Variants in CFAP210 observed in about 807,000 individuals in gnomAD.
CFAP210 encodes cilia and flagella associated protein 210, also known as cilia- and flagella- associated protein 210.
chr2:169,660,224 T>TA, the CFAP210 span, among the ~76,000 whole-genome samples: 6 of 151,368 alleles, frequency 4.0e-5, no homozygotes, highest in African/African-American at 1.2e-4. Context: ...TTGTCTCTAC[T>TA]AAAAAAAATA....
the CFAP210 span, among the ~76,000 whole-genome samples, chr2:169,680,079 A>G: frequency 2.0e-5 from 3 of 152,206 alleles, no homozygotes; most frequent in East Asian, 5.8e-4. Context: ...GACAAAACTA[A>G]TTTTAAAATG....
the CFAP210 span, among the ~76,000 whole-genome samples, chr2:169,663,927 G>A: frequency 2.6e-5 from 4 of 151,400 alleles, no homozygotes; most frequent in East Asian, 1.9e-4. Context: ...AGTGGCTCAC[G>A]CCTGTAATCC....
chr2:169,664,724 T>G, the CFAP210 span, among the ~76,000 whole-genome samples: 2 of 152,250 alleles, frequency 1.3e-5, no homozygotes, highest in African/African-American at 4.8e-5. Flanking sequence ...CTGCTGATTC[T>G]TGGTCCTTCT....
At chr2:169,667,030 T>G in the CFAP210 span, among the ~76,000 whole-genome samples, 2 of 152,176 alleles carry the variant, frequency 1.3e-5, no homozygotes, top group African/African-American at 4.8e-5. Context: ...CTTTCTCCAC[T>G]GAAGTCTTGA....
At chr2:169,646,282 TC>T in the CFAP210 span, 1 of 820,034 alleles carries the variant, frequency 1.2e-6, no homozygotes, top group Non-Finnish European at 2.0e-6. Context: ...TTTTCTAAAC[TC>T]ATTGATACTT....
the CFAP210 span, chr2:169,675,000 T>A: frequency 6.5e-7 from 1 of 1,539,792 alleles, no homozygotes; most frequent in Non-Finnish European, 8.7e-7. Flanking sequence ...TATTTCTTCA[T>A]CACGCTTCTT....
the CFAP210 span, among the ~76,000 whole-genome samples, chr2:169,683,529 C>T: frequency 1.3e-5 from 2 of 152,208 alleles, 1 homozygote; most frequent in African/African-American, 4.8e-5. Flanking sequence ...TAACAAATTG[C>T]TAGGCATGTT....
At chr2:169,650,527 A>G in the CFAP210 span, 3 of 1,521,228 alleles carry the variant, frequency 2.0e-6, no homozygotes, top group Non-Finnish European at 2.6e-6. Context: ...TAAGCCTATA[A>G]CAAAATAACC....
chr2:169,654,534 T>C, the CFAP210 span, among the ~76,000 whole-genome samples: 1 of 152,110 alleles, frequency 6.6e-6, no homozygotes, highest in African/African-American at 2.4e-5. Flanking sequence ...AATCAATAAG[T>C]AGGTGGGGGA....
chr2:169,683,515 T>C, the CFAP210 span, among the ~76,000 whole-genome samples: 1 of 152,236 alleles, frequency 6.6e-6, no homozygotes, highest in African/African-American at 2.4e-5. Context: ...ATCTGCCTTT[T>C]GATTAACAAA....
chr2:169,656,378 A>G, the CFAP210 span, among the ~76,000 whole-genome samples: 3 of 86,896 alleles, frequency 3.5e-5, no homozygotes, highest in Admixed American at 2.9e-4. Context: ...AGAAAGAGGA[A>G]AGAGGAGGAA....
At chr2:169,645,905 T>C in the CFAP210 span, 31,664 of 1,613,274 alleles carry the variant, frequency 0.02, 610 homozygotes, top group Middle Eastern at 0.11. Context: ...CTGAGAGTTA[T>C]AAAAAGGGAG....
At chr2:169,677,997 A>G in the CFAP210 span, among the ~76,000 whole-genome samples, 1 of 152,178 alleles carries the variant, frequency 6.6e-6, no homozygotes, top group Admixed American at 6.5e-5. Context: ...AAATCCAACG[A>G]AAGATGTATA....
the CFAP210 span, among the ~76,000 whole-genome samples, chr2:169,647,602 G>A: frequency 0.046 from 6,928 of 152,130 alleles, 533 homozygotes; most frequent in African/African-American, 0.16. Context: ...CCAAGTATTT[G>A]ATCAAGAAAA....
the CFAP210 span, chr2:169,680,963 G>C: frequency 1.5e-5 from 22 of 1,500,040 alleles, no homozygotes; most frequent in African/African-American, 3.0e-4. Context: ...AGAAACAAGA[G>C]TAAGTCTTCA....
the CFAP210 span, among the ~76,000 whole-genome samples, chr2:169,672,546 G>A: frequency 1.3e-5 from 2 of 152,236 alleles, no homozygotes; most frequent in Non-Finnish European, 2.9e-5. Context: ...AGAGCCCCCA[G>A]CAAGCTGCTG....
At chr2:169,673,915 A>G in the CFAP210 span, among the ~76,000 whole-genome samples, 1 of 152,206 alleles carries the variant, frequency 6.6e-6, no homozygotes, top group African/African-American at 2.4e-5. Flanking sequence ...GCATGGCTAT[A>G]TACCAAAACA....
At chr2:169,658,763 C>G in the CFAP210 span, 1 of 316,372 alleles carries the variant, frequency 3.2e-6, no homozygotes, top group Non-Finnish European at 6.2e-6. Context: ...TCTGATCATT[C>G]AAATGTTTTA....
At chr2:169,681,370 G>A in the CFAP210 span, 2 of 738,612 alleles carry the variant, frequency 2.7e-6, no homozygotes, top group East Asian at 2.7e-5. Flanking sequence ...CCTAAGAACA[G>A]CTATGATTAA....
Sources: allele counts gnomAD v4.1 joint callset (sites outside exome capture counted in the v4.1 genomes callset), GRCh38; gene constraint gnomAD v4.1.1; transcripts MANE v1.5; gene names NCBI Gene and HGNC (gene_info 2026-07-23, HGNC 2026-07-21).